The following EYA4 variants were observed in gnomAD, a reference collection of about 807,000 sequenced individuals.
EYA4 encodes the protein EYA transcriptional coactivator and phosphatase 4, also known as protein phosphatase EYA4.
A neutral mutation model predicts 87.9 loss-of-function variants in EYA4; 31 were observed. The observed-to-expected ratio is 0.35, with a 90% CI of 0.27 to 0.48. EYA4 has a LOEUF of 0.48. Among genes scored for constraint, EYA4 ranks in the 20% least tolerant of loss-of-function variants. The pLI is 0.99. For synonymous variants in EYA4, 263 were observed against 270.6 expected (o/e 0.97, Z 0.28); for missense variants, 678 against 761.4 (o/e 0.89, Z 1.29).
intron 11 of EYA4, among the ~76,000 whole-genome samples, chr6:133,476,486 T>C (rs1795745835): frequency 6.6e-6 from 1 of 152,092 alleles, no homozygotes; most frequent in Admixed American, 6.6e-5. Flanking sequence ...ACTCCACATA[T>C]AAATGAGGTC....
At chr6:133,352,591 T>C (rs896988375) in intron 2 of EYA4, among the ~76,000 whole-genome samples, 7 of 152,162 alleles carry the variant, frequency 4.6e-5, no homozygotes, top group South Asian at 4.1e-4. Flanking sequence ...CTAACAGATA[T>C]GTGAGAATAT....
chr6:133,431,382 A>G (rs995927115), intron 3 of EYA4, among the ~76,000 whole-genome samples: 1 of 152,212 alleles, frequency 6.6e-6, no homozygotes, highest in Non-Finnish European at 1.5e-5. Flanking sequence ...GTTCAAACAA[A>G]TGTAACTTTT....
At chr6:133,347,580 T>C (rs886665112) in intron 2 of EYA4, among the ~76,000 whole-genome samples, 2 of 152,180 alleles carry the variant, frequency 1.3e-5, no homozygotes, top group Non-Finnish European at 2.9e-5. Context: ...TTTAACACAG[T>C]GTCTAGTAAC....
chr6:133,451,282 A>G (rs533538679), intron 5 of EYA4, among the ~76,000 whole-genome samples: 21 of 152,326 alleles, frequency 1.4e-4, no homozygotes, highest in African/African-American at 5.1e-4. Flanking sequence ...GGTAAAAACC[A>G]TTCTTAGCTT....
At chr6:133,315,353 C>T (rs1562280138) in intron 2 of EYA4, among the ~76,000 whole-genome samples, 1 of 152,048 alleles carries the variant, frequency 6.6e-6, no homozygotes, top group South Asian at 2.1e-4. Context: ...TTTTTCTCTC[C>T]TTTTATGGCA....
intron 1 of EYA4, among the ~76,000 whole-genome samples, chr6:133,256,762 TA>T (rs1441305299): frequency 6.6e-6 from 1 of 152,170 alleles, no homozygotes; most frequent in African/African-American, 2.4e-5. Context: ...TGAAGTATAT[TA>T]ATCAGTTGAT....
intron 2 of EYA4, among the ~76,000 whole-genome samples, chr6:133,362,608 T>C (rs1255662338): frequency 6.6e-6 from 1 of 152,162 alleles, no homozygotes; most frequent in African/African-American, 2.4e-5. Flanking sequence ...GAACAAATTC[T>C]ATAGCCACAG....
chr6:133,464,650 C>A, intron 9 of EYA4, 129 bp from the exon 10 acceptor site: 1 of 693,792 alleles, frequency 1.4e-6, no homozygotes, highest in Non-Finnish European at 2.6e-6. Flanking sequence ...GTATAAATGT[C>A]TCAACTTCAA....
At chr6:133,384,961 A>G (rs1786569282) in intron 3 of EYA4, among the ~76,000 whole-genome samples, 1 of 152,190 alleles carries the variant, frequency 6.6e-6, no homozygotes, top group South Asian at 2.1e-4. Context: ...ACTAAGCAGC[A>G]TTATTTTAAT....
chr6:133,393,122 C>T (rs1232414848), intron 3 of EYA4, among the ~76,000 whole-genome samples: 2 of 152,132 alleles, frequency 1.3e-5, no homozygotes, highest in Admixed American at 1.3e-4. Flanking sequence ...CATCTTAAAT[C>T]CTTATTTTGC....
chr6:133,475,051 T>C (rs926399), intron 11 of EYA4, among the ~76,000 whole-genome samples: 1 of 152,126 alleles, frequency 6.6e-6, no homozygotes, highest in East Asian at 1.9e-4. Context: ...AATTATTCAA[T>C]CATGTATAGT....
intron 17 of EYA4, among the ~76,000 whole-genome samples, chr6:133,520,744 G>A (rs1169489594): frequency 6.6e-6 from 1 of 151,748 alleles, no homozygotes; most frequent in African/African-American, 2.4e-5. Context: ...TATACTACAA[G>A]GCTACAGTAA....
intron 2 of EYA4, among the ~76,000 whole-genome samples, chr6:133,304,552 T>G (rs139887321): frequency 1.3e-5 from 2 of 152,318 alleles, no homozygotes; most frequent in East Asian, 3.9e-4. Context: ...TGTTGGAGGA[T>G]AAGTCTGGAG....
chr6:133,363,959 C>G (rs1359726683), intron 2 of EYA4, among the ~76,000 whole-genome samples: 3 of 152,234 alleles, frequency 2.0e-5, no homozygotes, highest in Admixed American at 1.3e-4. Context: ...ATCTCCCACT[C>G]TGCTGCCTGA....
chr6:133,491,891 G>T (rs1797191789), intron 13 of EYA4, among the ~76,000 whole-genome samples: 1 of 144,298 alleles, frequency 6.9e-6, no homozygotes, highest in South Asian at 2.1e-4. Flanking sequence ...GGCAGAGCTT[G>T]CAGTGAGCCG....
chr6:133,498,157 A>T (rs138625596), intron 13 of EYA4, among the ~76,000 whole-genome samples: 2 of 152,330 alleles, frequency 1.3e-5, no homozygotes, highest in Admixed American at 6.5e-5. Flanking sequence ...ACATGGTTTA[A>T]TAGAAAGTAA....
chr6:133,289,176 A>G (rs1253040283), intron 2 of EYA4, among the ~76,000 whole-genome samples: 1 of 152,174 alleles, frequency 6.6e-6, no homozygotes, highest in Non-Finnish European at 1.5e-5. Flanking sequence ...GGAGAACAGA[A>G]AGAAGGTGAA....
At chr6:133,451,988 C>T (rs1793496066) in intron 5 of EYA4, among the ~76,000 whole-genome samples, 1 of 152,038 alleles carries the variant, frequency 6.6e-6, no homozygotes, top group East Asian at 1.9e-4. Context: ...TAAATGGCTT[C>T]ATCAAATTAT....
chr6:133,443,588 A>G (rs1792520788), intron 3 of EYA4, among the ~76,000 whole-genome samples: 1 of 151,836 alleles, frequency 6.6e-6, no homozygotes, highest in South Asian at 2.1e-4. Context: ...TTCTTCCTCT[A>G]GTTTCTTAAA....
Sources: gnomAD v4.1 joint callset for allele counts (sites outside exome capture counted in the v4.1 genomes callset) on GRCh38, gnomAD v4.1.1 for gene constraint, MANE v1.5 for transcripts, NCBI Gene and HGNC (gene_info 2026-07-23, HGNC 2026-07-21) for gene names.